PBX1: variants seen among roughly 807,000 people sequenced by gnomAD.
PBX1 encodes the protein PBX homeobox 1.
A neutral mutation model predicts 53.4 loss-of-function variants in PBX1; 6 were observed. That is an observed-to-expected ratio of 0.11 (90% confidence interval 0.06 to 0.22). The LOEUF is 0.22. PBX1 is among the 10% of genes least tolerant of loss of function. The pLI, the probability that PBX1 is intolerant of heterozygous loss-of-function variation, is 1.00. For synonymous variants in PBX1, 204 were observed against 212.3 expected, an observed-to-expected ratio of 0.96 and a Z score of 0.34; for missense variants, 251 against 551.4, an observed-to-expected ratio of 0.46 and a Z score of 5.46.
intron 2 of PBX1, among the ~76,000 whole-genome samples, chr1:164,601,268 C>CACAGAGG (rs1444392364): frequency 1.5e-5 from 2 of 134,236 alleles, no homozygotes; most frequent in Non-Finnish European, 3.1e-5. Context: ...AAAAAGCAGA[C>CACAGAGG]ACAGAGGTGA....
At chr1:164,662,958 A>G (rs1412115516) in intron 2 of PBX1, among the ~76,000 whole-genome samples, 2 of 152,196 alleles carry the variant, frequency 1.3e-5, no homozygotes, top group African/African-American at 4.8e-5. Context: ...ATTATAAAGA[A>G]CTACAACTCT....
chr1:164,851,591 C>G lies in PBX1; in HGVS notation c.*4915C>G, dbSNP rs1371413015. The G allele has an allele frequency of 1.1e-5, 2 of 186,948 alleles. No individual in the cohort carries two copies. Among genetic ancestry groups the G allele is most frequent in the Non-Finnish European group, 2.3e-5 (2 of 88,746 alleles). 11.6% of individuals were successfully genotyped at this position (186,948 alleles called of 1,614,324 possible). ...TTCCTTTGGTTGTTGGTTTTATTCT[C>G]CCCCTACCCCTCCCCTTTTCTTATT... On this transcript the variant is annotated 3_prime_UTR_variant, in exon 9 of 9. Transcript: ENST00000420696.
chr1:164,729,243 C>T (rs1664855929), intron 2 of PBX1, among the ~76,000 whole-genome samples: 1 of 152,162 alleles, frequency 6.6e-6, no homozygotes, highest in African/African-American at 2.4e-5. Flanking sequence ...CAAATTGAGC[C>T]TCTTTATTGA....
At chr1:164,846,541 C>G in intron 8 of PBX1, 43 bp from the exon 9 acceptor site, 1 of 1,569,094 alleles carries the variant, frequency 6.4e-7, no homozygotes, top group Non-Finnish European at 8.8e-7. Flanking sequence ...AAAACAGCCA[C>G]CCAATCTCAG....
intron 2 of PBX1, among the ~76,000 whole-genome samples, chr1:164,763,031 T>A (rs1299441050): frequency 6.6e-6 from 1 of 152,208 alleles, no homozygotes; most frequent in Non-Finnish European, 1.5e-5. Context: ...TCTAAAGGGA[T>A]AGCTTTTATT....
chr1:164,609,696 G>A (rs544660734), intron 2 of PBX1, among the ~76,000 whole-genome samples: 4 of 152,192 alleles, frequency 2.6e-5, no homozygotes, highest in East Asian at 3.9e-4. Context: ...TTTCTGTTGC[G>A]CTTGGTAAGA....
At chr1:164,688,595 G>GC (rs1662264398) in intron 2 of PBX1, among the ~76,000 whole-genome samples, 2 of 152,086 alleles carry the variant, frequency 1.3e-5, no homozygotes, top group Admixed American at 1.3e-4. Flanking sequence ...CTGCCACCAT[G>GC]CCATACCTAA....
chr1:164,725,027 AAG>A (rs1664625629), intron 2 of PBX1, among the ~76,000 whole-genome samples: 1 of 152,064 alleles, frequency 6.6e-6, no homozygotes, highest in South Asian at 2.1e-4. Flanking sequence ...TCATAGGAAA[AAG>A]AGGAATCTCT....
At chr1:164,592,042 T>C (rs906662052) in intron 2 of PBX1, among the ~76,000 whole-genome samples, 1 of 150,974 alleles carries the variant, frequency 6.6e-6, no homozygotes, top group African/African-American at 2.4e-5. Flanking sequence ...TGAGTAACTC[T>C]AGAGTGGAGT....
intron 2 of PBX1, among the ~76,000 whole-genome samples, chr1:164,861,970 T>C (rs1672108812): frequency 6.6e-6 from 1 of 152,174 alleles, no homozygotes; most frequent in African/African-American, 2.4e-5. Flanking sequence ...GCAGATTACA[T>C]AGGGCCTCTT....
rs556317372 is a variant in PBX1 at position 164,611,796 on chromosome 1, C to T, written c.265+48485C>T. On this transcript the variant is annotated intron_variant, in intron 2 of 8. Transcript: ENST00000420696. ...CAAGCCCATTTTGGAGGGAGGCTGCCTGATTTTTTAGGAGATAGGGAGTGA... is the reference window on the plus strand; with the variant it reads ...CAAGCCCATTTTGGAGGGAGGCTGCTTGATTTTTTAGGAGATAGGGAGTGA... Among the ~76,000 whole-genome samples, 33 of 152,244 alleles carry T rather than the reference C, an allele frequency of 2.2e-4. No individual in the cohort carries two copies. In the South Asian group the frequency reaches 6.8e-3, roughly 32 times the overall value.
intron 2 of PBX1, among the ~76,000 whole-genome samples, chr1:164,627,393 C>T (rs116656933): frequency 0.017 from 2,520 of 152,068 alleles, 24 homozygotes; most frequent in South Asian, 0.024. Context: ...GATGTGTGGC[C>T]GGCAATTGCT....
Position 164,716,856 on chromosome 1 carries a change from C to T in PBX1, c.266-75638C>T, listed in dbSNP as rs181137548. Reference sequence around the variant, plus strand: ...CAATTTGTTGAGCACATCCTGGGTGCCAGACAGTTCAACATGGAACATAAT... The same window carrying T: ...CAATTTGTTGAGCACATCCTGGGTGTCAGACAGTTCAACATGGAACATAAT... On this transcript the variant is annotated intron_variant, in intron 2 of 8. Transcript: ENST00000420696. Among the ~76,000 whole-genome samples the T allele has an allele frequency of 3.5e-4, 54 of 152,198 alleles. 1 individual carries two copies. The East Asian group carries it at 8.7e-3, about 24-fold the overall frequency.
At chr1:164,694,970 C>G (rs1184929793) in intron 2 of PBX1, among the ~76,000 whole-genome samples, 2 of 152,126 alleles carry the variant, frequency 1.3e-5, no homozygotes, top group Non-Finnish European at 2.9e-5. Flanking sequence ...CCAGGAGACT[C>G]TTAACATGCT....
At chr1:164,853,935 A>AT (rs199560431), downstream of PBX1, among the ~76,000 whole-genome samples, 5 of 131,054 alleles carry the variant, frequency 3.8e-5, no homozygotes, top group Non-Finnish European at 8.0e-5. Context: ...ATTTTTATTT[A>AT]TTTTATTTTT....
intron 2 of PBX1, among the ~76,000 whole-genome samples, chr1:164,757,808 T>TACCAAGG (rs1553241448): frequency 6.6e-6 from 1 of 151,500 alleles, no homozygotes; most frequent in Non-Finnish European, 1.5e-5. Flanking sequence ...CAGTAAAACT[T>TACCAAGG]TTTATCAACC....
At chr1:164,880,700 G>A (rs1163360489) in intron 2 of PBX1, among the ~76,000 whole-genome samples, 2 of 152,154 alleles carry the variant, frequency 1.3e-5, no homozygotes, top group Non-Finnish European at 2.9e-5. Flanking sequence ...ATTGACTTTG[G>A]AAGAGCCACT....
intron 2 of PBX1, among the ~76,000 whole-genome samples, chr1:164,724,896 A>G (rs904145009): frequency 1.3e-5 from 2 of 151,978 alleles, no homozygotes; most frequent in Non-Finnish European, 2.9e-5. Context: ...CTGTTTACAT[A>G]ACTTGCGGAG....
chr1:164,619,669 A>G (rs556035853), intron 2 of PBX1, among the ~76,000 whole-genome samples: 1 of 152,240 alleles, frequency 6.6e-6, no homozygotes, highest in East Asian at 1.9e-4. Flanking sequence ...GTTCCAGAAA[A>G]TTAGCCTAGA....
Sources: allele counts gnomAD v4.1 joint callset (sites outside exome capture counted in the v4.1 genomes callset), GRCh38; gene constraint gnomAD v4.1.1; transcripts MANE v1.5; gene names NCBI Gene and HGNC (gene_info 2026-07-23, HGNC 2026-07-21).